The following PHF20 variants were observed in gnomAD, a reference collection of about 807,000 sequenced individuals.
PHF20 encodes the protein PHD finger protein 20.
A neutral mutation model predicts 113.5 loss-of-function variants in PHF20; 23 were observed. That is an observed-to-expected ratio of 0.20 (90% CI 0.15 to 0.29). The LOEUF is 0.29. Among genes scored for constraint, PHF20 ranks in the 10% least tolerant of loss-of-function variants. PHF20 has a pLI of 1.00. For synonymous variants in PHF20, 434 were observed against 457.3 expected (o/e 0.95, Z 0.65); for missense variants, 943 against 1,219.6 (o/e 0.77, Z 3.38).
chr20:35,871,699 T>A lies in PHF20; in HGVS notation c.1152T>A (p.Thr384=). 1 of 1,613,862 alleles carries A rather than the reference T, an allele frequency of 6.2e-7. No homozygotes were observed. Among genetic ancestry groups the A allele is most frequent in the Non-Finnish European group, 8.5e-7 (1 of 1,179,836 alleles). ...CTGGCCAGGTCTCATCTGCACTGACTTGCCACTCCTTTGGGGATGGATCCG... is the reference window on the plus strand; with the variant it reads ...CTGGCCAGGTCTCATCTGCACTGACATGCCACTCCTTTGGGGATGGATCCG... ...LEAGQVSSAL[T]CHSFGDGSGA... The change falls in exon 9 of 18, where the codon ACT becomes ACA. Residue 384 remains threonine, a synonymous_variant. Coordinates refer to ENST00000374012, the MANE Select transcript of PHF20 (RefSeq NM_016436.5).
intron 15 of PHF20, among the ~76,000 whole-genome samples, chr20:35,932,428 A>ATTT (rs753265544): frequency 0.053 from 5,556 of 104,614 alleles, 352 homozygotes; most frequent in South Asian, 0.17. Flanking sequence ...CATCTTAACC[A>ATTT]TTTTTTTTTT....
chr20:35,850,302 T>TG, intron 4 of PHF20, among the ~76,000 whole-genome samples: 1 of 102,968 alleles, frequency 9.7e-6, no homozygotes, highest in African/African-American at 4.5e-5. Flanking sequence ...CTCCGTTTTT[T>TG]TTTTTTTTTT....
chr20:35,801,612 T>C lies in PHF20; in HGVS notation c.83+7T>C, dbSNP rs1448565479. On this transcript the variant is annotated splice_region_variant and intron_variant, in intron 2 of 17. Transcript: ENST00000374012. ...GGGACCGTTTAAAAAACTGGTACTT[T>C]TACATTTTTCTGTTAATTAAAGCCC... 1.9e-6 allele frequency: 3 copies of C among 1,599,992 alleles called. No homozygotes were observed. Among genetic ancestry groups the C allele is most frequent in the African/African-American group, 2.7e-5 (2 of 74,632 alleles).
intron 17 of PHF20, among the ~76,000 whole-genome samples, chr20:35,943,773 G>A (rs548091311): frequency 2.7e-5 from 4 of 150,232 alleles, no homozygotes; most frequent in Non-Finnish European, 5.9e-5. Flanking sequence ...GGTGCACACC[G>A]CCATGCCTGG....
intron 2 of PHF20, among the ~76,000 whole-genome samples, chr20:35,815,044 A>G (rs898598671): frequency 7.3e-5 from 11 of 151,200 alleles, no homozygotes; most frequent in African/African-American, 2.2e-4. Flanking sequence ...AAAAATACAA[A>G]AATTAGCCGG....
intron 4 of PHF20, among the ~76,000 whole-genome samples, chr20:35,857,709 C>G (rs1224627888): frequency 6.6e-6 from 1 of 151,704 alleles, no homozygotes; most frequent in Non-Finnish European, 1.5e-5. Context: ...CCTCAGCCTC[C>G]CGAGTAGCTG....
chr20:35,818,049 C>A (rs2146895823), intron 2 of PHF20, among the ~76,000 whole-genome samples: 1 of 151,882 alleles, frequency 6.6e-6, no homozygotes, highest in South Asian at 2.1e-4. Context: ...TTTAGGAGGC[C>A]TAGGTGGGCA....
At chr20:35,855,114 A>T (rs910389838) in intron 4 of PHF20, 1 of 205,860 alleles carries the variant, frequency 4.9e-6, no homozygotes, top group African/African-American at 2.4e-5. Context: ...AGATTTCAAG[A>T]TAACTGGAGT....
At chr20:35,883,190 TG>T (rs1600871899) in intron 9 of PHF20, among the ~76,000 whole-genome samples, 1 of 152,124 alleles carries the variant, frequency 6.6e-6, no homozygotes, top group East Asian at 1.9e-4. Context: ...ACTCCAGCCT[TG>T]ACAACAGAGT....
At chr20:35,941,152 T>A in intron 17 of PHF20, 105 bp downstream of exon 17, 2 of 790,746 alleles carry the variant, frequency 2.5e-6, no homozygotes, top group Non-Finnish European at 4.0e-6. Flanking sequence ...ACCGCTGTAC[T>A]CTTTGCTTCT....
intron 3 of PHF20, among the ~76,000 whole-genome samples, chr20:35,844,543 CCA>C (rs61622083): frequency 0.35 from 40,771 of 117,242 alleles, 7,268 homozygotes; most frequent in East Asian, 0.5. Flanking sequence ...TTCACCATCA[CCA>C]CACACACACA....
Position 35,949,723 on chromosome 20 carries a change from C to A in PHF20, c.*2096C>A, listed in dbSNP as rs1038795802. 1.3e-5 allele frequency: 2 copies of A among 152,598 alleles called. No individual in the cohort carries two copies. The highest frequency in any genetic ancestry group is 2.9e-5 in the Non-Finnish European group (2 of 68,036). 9.5% of individuals were successfully genotyped at this position (152,598 alleles called of 1,614,324 possible). A position where few individuals can be genotyped will look rare whatever the true frequency, so the allele number is the denominator to read the frequency against. ...AACCCTATGTTGGAGCACTGGAAACCGTTATTTGCAAACATTGCTGTTACC... is the reference window on the plus strand; with the variant it reads ...AACCCTATGTTGGAGCACTGGAAACAGTTATTTGCAAACATTGCTGTTACC... On this transcript the variant is annotated 3_prime_UTR_variant, in exon 18 of 18. Coordinates refer to ENST00000374012, the MANE Select transcript of PHF20 (RefSeq NM_016436.5).
chr20:35,874,605 A>T (rs1457770162), intron 9 of PHF20, among the ~76,000 whole-genome samples: 1 of 151,758 alleles, frequency 6.6e-6, no homozygotes, highest in East Asian at 1.9e-4. Context: ...TGTCTCAGTC[A>T]CTTGAGTAGC....
intron 1 of PHF20, among the ~76,000 whole-genome samples, chr20:35,779,790 G>A (rs2041249858): frequency 6.6e-6 from 1 of 152,162 alleles, no homozygotes; most frequent in South Asian, 2.1e-4. Context: ...CAAACTGCTG[G>A]GATTACAGGC....
intron 1 of PHF20, among the ~76,000 whole-genome samples, chr20:35,774,087 C>CT (rs113868177): frequency 0.058 from 8,331 of 143,040 alleles, 306 homozygotes; most frequent in African/African-American, 0.11. Flanking sequence ...TGTCAATCTT[C>CT]TTTTTTTTTT....
chr20:35,801,886 A>C (rs1178863117), intron 2 of PHF20: 1 of 261,586 alleles, frequency 3.8e-6, no homozygotes, highest in Non-Finnish European at 7.4e-6. Flanking sequence ...AAGAGTTAAT[A>C]GTGGCAGCTC....
At chr20:35,860,314 C>G (rs2054197519) in intron 5 of PHF20, among the ~76,000 whole-genome samples, 1 of 149,596 alleles carries the variant, frequency 6.7e-6, no homozygotes, top group African/African-American at 2.5e-5. Context: ...AATCTAGGCT[C>G]ACTGTAAACT....
In PHF20 at chr20:35,897,026, A is replaced by T. The variant is rs76349953; in HGVS notation, c.1283-2344A>T. On this transcript the variant is annotated intron_variant, in intron 9 of 17. Coordinates refer to ENST00000374012, the MANE Select transcript of PHF20 (RefSeq NM_016436.5). ...TTTTGTTGTTGTTTGTTTTGCATTT[A>T]TTATTATTGTTATTCATACATTTTT... Among the ~76,000 whole-genome samples, 235 of 151,744 alleles carry T rather than the reference A, an allele frequency of 1.5e-3. 3 individuals are homozygous for T. The East Asian group carries it at 0.043, about 28-fold the overall frequency.
chr20:35,780,221 CT>C (rs930285446), intron 1 of PHF20, among the ~76,000 whole-genome samples: 3,205 of 123,214 alleles, frequency 0.026, 5 homozygotes, highest in African/African-American at 0.039. Context: ...CCCCAGATTT[CT>C]TTTTTTTTTT....
Sources: gnomAD v4.1 joint callset for allele counts (sites outside exome capture counted in the v4.1 genomes callset) on GRCh38, gnomAD v4.1.1 for gene constraint, MANE v1.5 for transcripts, NCBI Gene and HGNC (gene_info 2026-07-23, HGNC 2026-07-21) for gene names.